LRRC7: variants seen among roughly 807,000 people sequenced by gnomAD.
LRRC7 encodes leucine-rich repeat-containing protein 7.
In LRRC7, 23 loss-of-function variants were observed where a neutral mutation model predicts 175.7. That is an observed-to-expected ratio of 0.13 (90% confidence interval 0.09 to 0.19). LRRC7 has a LOEUF of 0.19. Ranked by LOEUF, LRRC7 falls within the 10% of genes least tolerant of loss-of-function variation. The pLI, the probability that LRRC7 is intolerant of heterozygous loss-of-function variation, is 1.00. For synonymous variants in LRRC7, 685 were observed against 680.9 expected (o/e 1.01, Z -0.09); for missense variants, 1,354 against 1,904.7 (o/e 0.71, Z 5.38).
intron 2 of LRRC7, among the ~76,000 whole-genome samples, chr1:69,688,410 A>T (rs1661439375): frequency 6.6e-6 from 1 of 152,162 alleles, no homozygotes; most frequent in Non-Finnish European, 1.5e-5. Context: ...TCAGGAGCTT[A>T]TGCAACATGG....
intron 5 of LRRC7, among the ~76,000 whole-genome samples, chr1:69,831,479 C>A (rs956436028): frequency 3.3e-5 from 5 of 152,022 alleles, no homozygotes; most frequent in Non-Finnish European, 5.9e-5. Flanking sequence ...TATTCAAGGA[C>A]TGTAAACCCT....
intron 7 of LRRC7, among the ~76,000 whole-genome samples, chr1:69,909,083 G>T (rs938340815): frequency 1.6e-4 from 24 of 151,630 alleles, no homozygotes; most frequent in Admixed American, 1.4e-3. Flanking sequence ...TCAGAGACTA[G>T]GATTGCAACC....
intron 10 of LRRC7, among the ~76,000 whole-genome samples, chr1:69,993,080 A>G (rs1292987448): frequency 6.6e-6 from 1 of 152,190 alleles, no homozygotes; most frequent in Non-Finnish European, 1.5e-5. Flanking sequence ...CCACAACTCA[A>G]AAACAAGCTC....
chr1:69,640,417 C>T (rs1654030931), intron 1 of LRRC7, among the ~76,000 whole-genome samples: 1 of 151,512 alleles, frequency 6.6e-6, no homozygotes, highest in East Asian at 1.9e-4. Context: ...TAATAGTGAG[C>T]ACTATGATTG....
intron 1 of LRRC7, among the ~76,000 whole-genome samples, chr1:69,595,482 C>T (rs1018130422): frequency 2.0e-5 from 3 of 152,166 alleles, no homozygotes; most frequent in South Asian, 2.1e-4. Flanking sequence ...CAGTTGATAA[C>T]GGATGGGGCT....
At chr1:69,924,855 A>G (rs1647011730) in intron 7 of LRRC7, among the ~76,000 whole-genome samples, 1 of 152,196 alleles carries the variant, frequency 6.6e-6, no homozygotes. Context: ...GAGTGGTGAG[A>G]GAGGGCATCC....
chr1:69,876,624 A>T (rs1686067626), intron 7 of LRRC7, among the ~76,000 whole-genome samples: 1 of 152,198 alleles, frequency 6.6e-6, no homozygotes. Flanking sequence ...ACACACGTAC[A>T]ACTTGCTTTG....
At chr1:69,871,531 A>G (rs1011153857) in intron 7 of LRRC7, among the ~76,000 whole-genome samples, 2 of 152,070 alleles carry the variant, frequency 1.3e-5, no homozygotes, top group Non-Finnish European at 2.9e-5. Flanking sequence ...TTTATAAAAT[A>G]TAGTCGAGTA....
chr1:69,757,875 A>G (rs1276408964), intron 2 of LRRC7, among the ~76,000 whole-genome samples: 1 of 151,704 alleles, frequency 6.6e-6, no homozygotes, highest in Non-Finnish European at 1.5e-5. Context: ...TAGATACTCA[A>G]ATTAAAAACC....
chr1:69,646,168 TA>T (rs1250516642), intron 1 of LRRC7, among the ~76,000 whole-genome samples: 3 of 152,118 alleles, frequency 2.0e-5, no homozygotes, highest in Non-Finnish European at 2.9e-5. Context: ...CGTATGTTTT[TA>T]AACTCATTTT....
intron 7 of LRRC7, among the ~76,000 whole-genome samples, chr1:69,870,909 A>G (rs976940079): frequency 6.6e-6 from 1 of 152,154 alleles, no homozygotes; most frequent in Non-Finnish European, 1.5e-5. Context: ...TAGAGCAAGC[A>G]TGACGTAGCT....
chr1:69,867,040 T>C (rs1685022936), intron 7 of LRRC7, among the ~76,000 whole-genome samples: 1 of 152,202 alleles, frequency 6.6e-6, no homozygotes, highest in Non-Finnish European at 1.5e-5. Context: ...CAGAGAACTT[T>C]ATAAAATTAT....
At chr1:70,071,125 A>C (rs1252284668) in intron 23 of LRRC7, among the ~76,000 whole-genome samples, 1 of 152,184 alleles carries the variant, frequency 6.6e-6, no homozygotes, top group Non-Finnish European at 1.5e-5. Context: ...ATTGTCTAAA[A>C]GCATTCTGTC....
intron 23 of LRRC7, among the ~76,000 whole-genome samples, chr1:70,071,225 C>T (rs74607743): frequency 2.8e-4 from 43 of 152,260 alleles, no homozygotes; most frequent in African/African-American, 9.9e-4. Flanking sequence ...TTCAGATTGT[C>T]TGCTTCTTCA....
intron 8 of LRRC7, among the ~76,000 whole-genome samples, chr1:69,977,279 A>G (rs2101880824): frequency 6.6e-6 from 1 of 152,306 alleles, no homozygotes; most frequent in East Asian, 1.9e-4. Context: ...TAGAGTATAT[A>G]TACAGAACAC....
At chr1:69,951,162 C>G (rs775784288) in intron 8 of LRRC7, among the ~76,000 whole-genome samples, 1 of 150,726 alleles carries the variant, frequency 6.6e-6, no homozygotes, top group Non-Finnish European at 1.5e-5. Flanking sequence ...GACATACATG[C>G]GGCCAACAAA....
At chr1:69,768,121 A>T (rs1671822052) in intron 3 of LRRC7, among the ~76,000 whole-genome samples, 1 of 152,182 alleles carries the variant, frequency 6.6e-6, no homozygotes, top group Non-Finnish European at 1.5e-5. Context: ...AAATTTTGTC[A>T]TGGGCTGGCT....
intron 4 of LRRC7, among the ~76,000 whole-genome samples, chr1:69,808,091 G>T (rs556507989): frequency 1.3e-5 from 2 of 151,358 alleles, no homozygotes; most frequent in African/African-American, 4.8e-5. Flanking sequence ...GATCAATTCA[G>T]CTATTGATAC....
chr1:69,678,291 C>G (rs1294285695), intron 1 of LRRC7, 90 bp from the exon 2 acceptor site: 1 of 918,158 alleles, frequency 1.1e-6, no homozygotes, highest in African/African-American at 1.6e-5. Context: ...TAGCAAAGTT[C>G]TGTGGGAATT....
Sources: gnomAD v4.1 joint callset for allele counts (sites outside exome capture counted in the v4.1 genomes callset) on GRCh38, gnomAD v4.1.1 for gene constraint, MANE v1.5 for transcripts, NCBI Gene and HGNC (gene_info 2026-07-23, HGNC 2026-07-21) for gene names.